Variants in CABLES1 observed in about 807,000 individuals in gnomAD.
CABLES1 encodes the protein Cdk5 and Abl enzyme substrate 1, also known as CDK5 and ABL1 enzyme substrate 1.
Under a neutral mutation model 57.8 loss-of-function variants are expected in CABLES1, and 36 were observed. That is an observed-to-expected ratio of 0.62 (90% CI 0.48 to 0.82). CABLES1 has a LOEUF of 0.82. CABLES1 is among the 40% of genes least tolerant of loss of function. The probability of loss-of-function intolerance (pLI) is 0.00; values close to 1 mark genes in which losing one functional copy is unlikely to be tolerated. For missense variants in CABLES1, 767 were observed against 836.6 expected, an observed-to-expected ratio of 0.92 and a Z score of 1.03; for synonymous variants, 374 against 363.0, an observed-to-expected ratio of 1.03 and a Z score of -0.35.
intron 1 of CABLES1, among the ~76,000 whole-genome samples, chr18:23,147,890 A>G (rs918774762): frequency 6.6e-6 from 1 of 151,726 alleles, no homozygotes; most frequent in East Asian, 1.9e-4. Context: ...GGCTACCTCC[A>G]GAGACAATTT....
At chr18:23,243,618 A>AT (rs1433273203) in intron 7 of CABLES1, among the ~76,000 whole-genome samples, 3 of 151,924 alleles carry the variant, frequency 2.0e-5, no homozygotes, top group Non-Finnish European at 4.4e-5. Flanking sequence ...CATGCCTGTA[A>AT]TCCCAGCACT....
intron 1 of CABLES1, among the ~76,000 whole-genome samples, chr18:23,188,180 T>G (rs895703275): frequency 5.9e-5 from 9 of 152,216 alleles, no homozygotes; most frequent in African/African-American, 2.2e-4. Context: ...CAAAAGAAAC[T>G]GGTAGACTAG....
chr18:23,181,493 T>A (rs2047165785), intron 1 of CABLES1, among the ~76,000 whole-genome samples: 1 of 25,822 alleles, frequency 3.9e-5, no homozygotes, highest in Non-Finnish European at 7.2e-5. Flanking sequence ...CAAAGCTTCG[T>A]CTCAAAAAAA....
At chr18:23,251,491 AAAG>A (rs1365789831) in intron 7 of CABLES1, among the ~76,000 whole-genome samples, 1 of 152,140 alleles carries the variant, frequency 6.6e-6, no homozygotes, top group Non-Finnish European at 1.5e-5. Context: ...GTCAGCCAAA[AAAG>A]ACCCAGCCTT....
At chr18:23,237,502 C>G (rs1289974751) in intron 7 of CABLES1, among the ~76,000 whole-genome samples, 1 of 152,242 alleles carries the variant, frequency 6.6e-6, no homozygotes, top group African/African-American at 2.4e-5. Context: ...GGGACCCTCT[C>G]CTCTGAAGGG....
chr18:23,154,253 C>T (rs758790776), intron 1 of CABLES1, among the ~76,000 whole-genome samples: 5 of 152,250 alleles, frequency 3.3e-5, no homozygotes, highest in East Asian at 1.9e-4. Flanking sequence ...TCATGTGCCG[C>T]GGTAACTAAA....
chr18:23,164,325 G>A (rs146579099), intron 1 of CABLES1, among the ~76,000 whole-genome samples: 46 of 152,300 alleles, frequency 3.0e-4, no homozygotes, highest in African/African-American at 1.0e-3. Flanking sequence ...TCCTCGGGTC[G>A]ACGTGGGCCA....
chr18:23,163,708 T>C (rs1731345542), intron 1 of CABLES1, among the ~76,000 whole-genome samples: 1 of 152,078 alleles, frequency 6.6e-6, no homozygotes, highest in Non-Finnish European at 1.5e-5. Context: ...AGCATGGATT[T>C]ATAGTGACAT....
At chr18:23,160,202 T>C (rs532123805) in intron 1 of CABLES1, among the ~76,000 whole-genome samples, 9 of 151,950 alleles carry the variant, frequency 5.9e-5, no homozygotes, top group Admixed American at 2.0e-4. Flanking sequence ...CACACCCGGC[T>C]GATTTTTTGT....
intron 1 of CABLES1, among the ~76,000 whole-genome samples, chr18:23,145,455 A>G (rs2046886183): frequency 6.6e-6 from 1 of 152,192 alleles, no homozygotes; most frequent in Non-Finnish European, 1.5e-5. Context: ...TATCAAAGGA[A>G]GCATGTTGAA....
chr18:23,147,483 C>T (rs2046898648), intron 1 of CABLES1, among the ~76,000 whole-genome samples: 2 of 152,342 alleles, frequency 1.3e-5, no homozygotes, highest in South Asian at 2.1e-4. Flanking sequence ...AAAATTGTAG[C>T]TGTTATTTCC....
chr18:23,136,115 G>C lies in CABLES1; in HGVS notation c.353G>C (p.Gly118Ala). The change falls in exon 1 of 10, where the codon GGC becomes GCC. Residue 118 changes from glycine (G) to alanine (A), a missense_variant. By Grantham distance (60) the Gly-to-Ala change is moderately conservative. Around this residue, in one of 4 missense-constraint regions of CABLES1, gnomAD observed 198 missense variants for 149.7 expected, o/e 1.32. Coordinates refer to ENST00000256925, the MANE Select transcript of CABLES1 (RefSeq NM_001100619.3). Reference protein sequence around the residue: ...FSLLAAAERGGCIALAAPGTP... With the variant: ...FSLLAAAERGACIALAAPGTP... ...TTGCTCGCCGCTGCCGAGCGGGGCG[G>C]CTGCATCGCGCTCGCCGCGCCGGGC... 1 of 1,191,434 alleles carries C rather than the reference G, an allele frequency of 8.4e-7. No homozygotes were observed. The highest frequency in any genetic ancestry group is 3.6e-5 in the East Asian group (1 of 27,714). The allele number at this position is 1,191,434 out of a possible 1,614,324, so 73.8% of individuals were successfully genotyped here. A position where few individuals can be genotyped will look rare whatever the true frequency, so the allele number is the denominator to read the frequency against.
chr18:23,219,705 G>T (rs1296060256), intron 4 of CABLES1, among the ~76,000 whole-genome samples: 2 of 152,174 alleles, frequency 1.3e-5, no homozygotes, highest in Non-Finnish European at 2.9e-5. Flanking sequence ...CTATAAAATG[G>T]GGATGTTTAA....
intron 3 of CABLES1, among the ~76,000 whole-genome samples, chr18:23,201,053 A>G (rs750248132): frequency 2.0e-5 from 3 of 152,240 alleles, no homozygotes; most frequent in Non-Finnish European, 4.4e-5. Context: ...GGGAGAGCAG[A>G]AGCAGGAAGG....
chr18:23,231,913 G>C (rs1195289319), intron 4 of CABLES1, among the ~76,000 whole-genome samples: 1 of 152,156 alleles, frequency 6.6e-6, no homozygotes, highest in African/African-American at 2.4e-5. Context: ...CCAGGACAAG[G>C]CTGCCCCGGG....
At chr18:23,140,826 G>T (rs936987372) in intron 1 of CABLES1, among the ~76,000 whole-genome samples, 1 of 152,200 alleles carries the variant, frequency 6.6e-6, no homozygotes, top group African/African-American at 2.4e-5. Context: ...GTACGGAAGA[G>T]CCTTAAGTCC....
At position 23,258,101 on chromosome 18, in the gene CABLES1, G is replaced by A. The variant is rs2048209628; in HGVS notation, c.*734G>A. Reference sequence around the variant, plus strand: ...TTTTGTTACTGCTCCTACCCACCAAGGGGATAAAGAAGGCGAGTTCTGAGT... The same window carrying A: ...TTTTGTTACTGCTCCTACCCACCAAAGGGATAAAGAAGGCGAGTTCTGAGT... On this transcript the variant is annotated 3_prime_UTR_variant, in exon 10 of 10. Transcript: ENST00000256925. 1 of 152,318 alleles carries A rather than the reference G, an allele frequency of 6.6e-6. No individual in the cohort carries two copies. Among genetic ancestry groups the A allele is most frequent in the African/African-American group, 2.4e-5 (1 of 41,464 alleles). The allele number at this position is 152,318 out of a possible 1,614,324, so 9.4% of individuals were successfully genotyped here.
intron 3 of CABLES1, 90 bp from the exon 4 acceptor site, chr18:23,213,887 C>A: frequency 2.5e-6 from 2 of 802,942 alleles, no homozygotes; most frequent in Non-Finnish European, 4.0e-6. Flanking sequence ...CTATGAATGC[C>A]ATGAATGCTT....
At chr18:23,147,979 C>CTTTT (rs10603023) in intron 1 of CABLES1, among the ~76,000 whole-genome samples, 5 of 78,446 alleles carry the variant, frequency 6.4e-5, no homozygotes, top group Admixed American at 1.6e-4. Context: ...GCTTGGCCTC[C>CTTTT]TTTTTTTTTT....
Sources: gnomAD v4.1 joint callset for allele counts (sites outside exome capture counted in the v4.1 genomes callset) on GRCh38, gnomAD v4.1.1 for gene constraint, gnomAD v4.1.1 regional missense constraint, MANE v1.5 for transcripts, NCBI Gene and HGNC (gene_info 2026-07-23, HGNC 2026-07-21) for gene names.